Variants in LMBRD2 observed in about 807,000 individuals in gnomAD.
The protein encoded by LMBRD2 is G protein-coupled receptor-associated protein LMBRD2.
LMBRD2 carries 55 observed loss-of-function variants against 94.4 expected under a neutral mutation model. That is an observed-to-expected ratio of 0.58 (90% CI 0.47 to 0.73). The LOEUF (loss-of-function observed/expected upper bound fraction) is 0.73, where lower values mean the gene tolerates loss of function less well. Ranked by LOEUF, LMBRD2 falls within the 30% of genes least tolerant of loss-of-function variation. The pLI is 0.00. For synonymous variants in LMBRD2, 246 were observed against 272.4 expected (o/e 0.90, Z 0.95); for missense variants, 640 against 831.9 (o/e 0.77, Z 2.84).
chr5:36,105,029 G>A (rs778229316), intron 17 of LMBRD2, 39 bp downstream of exon 17: 13 of 1,598,570 alleles, frequency 8.1e-6, no homozygotes, highest in Middle Eastern at 1.7e-4. Flanking sequence ...TAAAAGTGTA[G>A]AGGAATGCTA....
chr5:36,150,804 G>A (rs1056538034), intron 1 of LMBRD2, among the ~76,000 whole-genome samples: 4 of 152,174 alleles, frequency 2.6e-5, no homozygotes, highest in African/African-American at 9.7e-5. Flanking sequence ...TCAAGAGGCA[G>A]TTACTTTTCA....
At position 36,099,015 on chromosome 5, in the gene LMBRD2, A is replaced by G. The variant is rs1743296106; in HGVS notation, c.*5031T>C. 6.6e-6 allele frequency: 1 copy of G among 152,090 alleles called. No homozygotes were observed. Among genetic ancestry groups the G allele is most frequent in the Admixed American group, 6.6e-5 (1 of 15,250 alleles). 9.4% of individuals were successfully genotyped at this position (152,090 alleles called of 1,614,324 possible). ...TATTTCACCTAATCAACTGAATTGG[A>G]TAAAGGCAAAATAACAAGTATTTTA... On this transcript the variant is annotated 3_prime_UTR_variant, in exon 18 of 18. Coordinates refer to ENST00000296603, the MANE Select transcript of LMBRD2 (RefSeq NM_001007527.2).
chr5:36,109,905 A>G, intron 15 of LMBRD2, 40 bp downstream of exon 15: 1 of 1,422,902 alleles, frequency 7.0e-7, no homozygotes, highest in Non-Finnish European at 9.8e-7. Context: ...ATTAAATTTC[A>G]AATTAATCTT....
chr5:36,143,939 TA>T (rs1744477695), intron 1 of LMBRD2, among the ~76,000 whole-genome samples: 1 of 151,904 alleles, frequency 6.6e-6, no homozygotes. Context: ...TCTTTTGTGT[TA>T]ATTTCACCTA....
At chr5:36,142,148 T>C (rs1023142749) in intron 3 of LMBRD2, among the ~76,000 whole-genome samples, 4 of 152,128 alleles carry the variant, frequency 2.6e-5, no homozygotes, top group African/African-American at 9.7e-5. Context: ...CCTTGTAAAT[T>C]AGGCAAAAGT....
chr5:36,140,722 C>T (rs764699857), intron 4 of LMBRD2, among the ~76,000 whole-genome samples: 10 of 151,618 alleles, frequency 6.6e-5, no homozygotes, highest in East Asian at 3.9e-4. Context: ...ATAAAGAGGA[C>T]GGAAGTTTGA....
intron 4 of LMBRD2, among the ~76,000 whole-genome samples, chr5:36,139,473 C>G (rs1744351508): frequency 6.6e-6 from 1 of 152,222 alleles, no homozygotes; most frequent in Admixed American, 6.5e-5. Flanking sequence ...TGAAGCCCCA[C>G]CTTCAAGCCA....
intron 16 of LMBRD2, among the ~76,000 whole-genome samples, chr5:36,106,763 G>A (rs1743482107): frequency 1.3e-5 from 2 of 151,990 alleles, no homozygotes; most frequent in African/African-American, 2.4e-5. Context: ...ACCCACCTCA[G>A]CTTCACAGGC....
intron 6 of LMBRD2, among the ~76,000 whole-genome samples, chr5:36,125,528 C>T (rs370032382): frequency 2.0e-5 from 3 of 152,092 alleles, no homozygotes; most frequent in Non-Finnish European, 1.5e-5. Flanking sequence ...TATCTGAGCT[C>T]GCTAAAAACA....
chr5:36,136,589 C>G, intron 5 of LMBRD2, 70 bp from the exon 6 acceptor site: 1 of 1,305,968 alleles, frequency 7.7e-7, no homozygotes, highest in South Asian at 1.2e-5. Context: ...CATAAATAGA[C>G]TTTAACACAG....
intron 6 of LMBRD2, among the ~76,000 whole-genome samples, chr5:36,133,694 G>A (rs76336101): frequency 0.02 from 3,032 of 152,176 alleles, 103 homozygotes; most frequent in African/African-American, 0.07. Context: ...CATTTTTAAA[G>A]AGCAGTTTCT....
intron 15 of LMBRD2, among the ~76,000 whole-genome samples, chr5:36,109,257 T>C (rs1220616822): frequency 6.6e-6 from 1 of 152,108 alleles, no homozygotes; most frequent in Non-Finnish European, 1.5e-5. Flanking sequence ...TAATTTCCTA[T>C]GTCCGAGAAG....
In LMBRD2 at chr5:36,115,132, A is replaced by G. The variant is rs1451846990; in HGVS notation, c.1437-12T>C. ...AACGGCAAAATAGCCTGCAACAAAC[A>G]TTTAAAAATATGTATATAAAAAGTA... On this transcript the variant is annotated splice_polypyrimidine_tract_variant and intron_variant, in intron 11 of 17. Transcript: ENST00000296603. 6.6e-7 allele frequency: 1 copy of G among 1,510,888 alleles called. No homozygotes were observed. Among genetic ancestry groups the G allele is most frequent in the Non-Finnish European group, 9.1e-7 (1 of 1,092,994 alleles). 93.6% of individuals were successfully genotyped at this position (1,510,888 alleles called of 1,614,324 possible). A position where few individuals can be genotyped will look rare whatever the true frequency, so the allele number is the denominator to read the frequency against.
At chr5:36,136,288 A>T (rs756114241) in intron 6 of LMBRD2, 21 bp downstream of exon 6, 1 of 1,609,406 alleles carries the variant, frequency 6.2e-7, no homozygotes, top group Non-Finnish European at 8.5e-7. Flanking sequence ...ACTATTGCTT[A>T]TAAGGTTCAA....
rs76730857 is a variant in LMBRD2 at position 36,117,864 on chromosome 5, C to A, written c.1173G>T (p.Val391=). 3.9e-4 allele frequency: 631 copies of A among 1,613,584 alleles called. 2 individuals carry two copies. The African/African-American group carries it at 7.2e-3, about 18-fold the overall frequency. Residue 391 remains valine (V), a synonymous_variant, in exon 10 of 18, where the codon GTG becomes GTT. Transcript: ENST00000296603. ...CAATCACAGAGAAGATGGACAGAAC[C>A]ACAGCAAGTATCTTGTAAAACCATG... is the stretch of plus-strand genomic sequence containing the variant. ...LRPWFYKILA[V]VLSIFSVIVV...
In LMBRD2 at chr5:36,105,191, A is replaced by C. The variant is rs982074745; in HGVS notation, c.1904T>G (p.Phe635Cys). The C allele has an allele frequency of 6.2e-7, 1 of 1,611,946 alleles. No homozygotes were observed. The highest frequency in any genetic ancestry group is 8.5e-7 in the Non-Finnish European group (1 of 1,178,684). ...FSDVNTNRSA[F>C]KYTRANNRTE... ...CCTGTTATTAGCCCTGGTATATTTG[A>C]ATGCAGCTGCAAAGGAAGGGGGAAA... The change falls in exon 17 of 18, where the codon TTC becomes TGC. Residue 635 changes from phenylalanine (F) to cysteine (C), a missense_variant. By Grantham distance (205) the Phe-to-Cys change is radical. Around this residue, in one of 2 missense-constraint regions of LMBRD2, gnomAD observed 183 missense variants for 189.1 expected, o/e 0.97. Transcript: ENST00000296603.
At chr5:36,143,121 T>G in intron 2 of LMBRD2, 55 bp downstream of exon 2, 1 of 1,159,832 alleles carries the variant, frequency 8.6e-7, no homozygotes, top group Middle Eastern at 2.0e-4. Flanking sequence ...ATTTCCAACA[T>G]GCTGTATGAT....
intron 16 of LMBRD2, among the ~76,000 whole-genome samples, chr5:36,105,735 A>C (rs1005623173): frequency 6.6e-6 from 1 of 152,198 alleles, no homozygotes; most frequent in African/African-American, 2.4e-5. Flanking sequence ...TAATTTTAAT[A>C]TATTTAAACA....
chr5:36,137,408 T>C lies in LMBRD2; in HGVS notation c.402A>G (p.Arg134=). The part of the protein sequence containing the change: ...ILLPFMQSYA[R]SGGFSITGKI... ...TTCCAGTGATGGAAAACCCTCCTGA[T>C]CTTGCATATGACTGCATAAAAGGTA... is the stretch of plus-strand genomic sequence containing the variant. The change falls in exon 5 of 18, where the codon AGA becomes AGG. Residue 134 remains arginine, a synonymous_variant. Transcript: ENST00000296603. 1 of 1,595,920 alleles carries C rather than the reference T, an allele frequency of 6.3e-7. No homozygotes were observed.
Sources: allele counts gnomAD v4.1 joint callset (sites outside exome capture counted in the v4.1 genomes callset), GRCh38; gene constraint gnomAD v4.1.1; regional missense constraint gnomAD v4.1.1; transcripts MANE v1.5; gene names NCBI Gene and HGNC (gene_info 2026-07-23, HGNC 2026-07-21).